PCDH15: variants seen among roughly 807,000 people sequenced by gnomAD.
The protein encoded by PCDH15 is protocadherin-15.
In PCDH15, 129 loss-of-function variants were observed where a neutral mutation model predicts 178.5. The ratio of observed to expected loss-of-function variants is 0.72; its 90% CI spans 0.63 to 0.84. The LOEUF is 0.84. Among genes scored for constraint, PCDH15 ranks in the 40% least tolerant of loss-of-function variants. The pLI, the probability that PCDH15 is intolerant of heterozygous loss-of-function variation, is 0.00. For missense variants in PCDH15, 2,230 were observed against 2,099.9 expected, an observed-to-expected ratio of 1.06 and a Z score of -1.21; for synonymous variants, 800 against 732.0, an observed-to-expected ratio of 1.09 and a Z score of -1.50.
intron 6 of PCDH15, among the ~76,000 whole-genome samples, chr10:54,330,438 G>T (rs1374865476): frequency 6.6e-6 from 1 of 151,878 alleles, no homozygotes; most frequent in African/African-American, 2.4e-5. Context: ...CATAGAAAAG[G>T]TATAGTAGAA....
chr10:54,716,650 G>T (rs191178591), intron 1 of PCDH15, among the ~76,000 whole-genome samples: 3 of 152,166 alleles, frequency 2.0e-5, no homozygotes, highest in Non-Finnish European at 1.5e-5. Context: ...TCAGCTTAAG[G>T]AGATTTTGGG....
intron 16 of PCDH15, among the ~76,000 whole-genome samples, chr10:54,083,947 C>G (rs979005549): frequency 6.6e-6 from 1 of 151,972 alleles, no homozygotes; most frequent in African/African-American, 2.4e-5. Flanking sequence ...AAAATTTGGC[C>G]AGGCGCGGTG....
At chr10:54,135,202 C>CAAAAA (rs11299964) in intron 14 of PCDH15, among the ~76,000 whole-genome samples, 5 of 118,118 alleles carry the variant, frequency 4.2e-5, no homozygotes, top group African/African-American at 1.4e-4. Context: ...GACTCTGTCT[C>CAAAAA]AAAAAAAAAA....
intron 1 of PCDH15, among the ~76,000 whole-genome samples, chr10:54,786,144 G>A (rs1950855257): frequency 6.6e-6 from 1 of 151,996 alleles, no homozygotes; most frequent in African/African-American, 2.4e-5. Flanking sequence ...TTATAATTCT[G>A]TGCTTTTAGA....
chr10:54,553,823 A>T (rs1361528743), intron 2 of PCDH15, among the ~76,000 whole-genome samples: 1 of 152,138 alleles, frequency 6.6e-6, no homozygotes, highest in Non-Finnish European at 1.5e-5. Flanking sequence ...AAAAAAAATC[A>T]TTAACTTGGA....
intron 8 of PCDH15, among the ~76,000 whole-genome samples, chr10:54,282,133 T>C (rs2058737949): frequency 6.6e-6 from 1 of 152,062 alleles, no homozygotes; most frequent in Non-Finnish European, 1.5e-5. Flanking sequence ...ATTATCTAAC[T>C]AGCTATATGT....
intron 9 of PCDH15, among the ~76,000 whole-genome samples, chr10:54,226,201 T>C (rs2053428581): frequency 6.6e-6 from 1 of 152,138 alleles, no homozygotes; most frequent in African/African-American, 2.4e-5. Flanking sequence ...CTCACACTCA[T>C]GGTGGAAGGC....
intron 2 of PCDH15, among the ~76,000 whole-genome samples, chr10:54,559,185 G>A (rs1206448989): frequency 6.6e-6 from 1 of 151,912 alleles, no homozygotes; most frequent in African/African-American, 2.4e-5. Flanking sequence ...TAACATATGA[G>A]AATTAAAATA....
chr10:54,298,266 G>C (rs755427322), intron 8 of PCDH15, among the ~76,000 whole-genome samples: 6 of 152,120 alleles, frequency 3.9e-5, no homozygotes, highest in Admixed American at 6.5e-5. Context: ...ATCAGCCACA[G>C]ATATCAAAAG....
chr10:54,703,072 C>T (rs2095327887), intron 1 of PCDH15, among the ~76,000 whole-genome samples: 1 of 152,102 alleles, frequency 6.6e-6, no homozygotes, highest in South Asian at 2.1e-4. Flanking sequence ...GTTGGTTCAA[C>T]ATATGCAAAG....
chr10:54,334,631 T>C (rs1198406192), intron 6 of PCDH15, among the ~76,000 whole-genome samples: 1 of 151,986 alleles, frequency 6.6e-6, no homozygotes, highest in Non-Finnish European at 1.5e-5. Flanking sequence ...AATATTCTCT[T>C]TTCAGCTGTG....
At chr10:54,038,666 A>G (rs1420259971) in intron 18 of PCDH15, among the ~76,000 whole-genome samples, 2 of 151,860 alleles carry the variant, frequency 1.3e-5, no homozygotes, top group East Asian at 3.9e-4. Context: ...TAGCAGCTGT[A>G]CATCCCTCTT....
chr10:54,141,943 T>A (rs2043449769), intron 14 of PCDH15, among the ~76,000 whole-genome samples: 1 of 152,160 alleles, frequency 6.6e-6, no homozygotes, highest in South Asian at 2.1e-4. Context: ...TGTATAGTAT[T>A]TAAGTGAAAT....
chr10:54,085,432 C>A (rs1000898544), intron 16 of PCDH15, among the ~76,000 whole-genome samples: 1 of 152,078 alleles, frequency 6.6e-6, no homozygotes, highest in Non-Finnish European at 1.5e-5. Context: ...TCCTCAACCT[C>A]CCTTAATAAA....
At chr10:54,993,612 G>A (rs572573977) in intron 2 of PCDH15, among the ~76,000 whole-genome samples, 1 of 151,978 alleles carries the variant, frequency 6.6e-6, no homozygotes, top group Non-Finnish European at 1.5e-5. Flanking sequence ...GCTGATGAAT[G>A]AACTAGAGGT....
chr10:54,393,548 C>G (rs1391898619), intron 3 of PCDH15, among the ~76,000 whole-genome samples: 2 of 152,142 alleles, frequency 1.3e-5, no homozygotes, highest in African/African-American at 4.8e-5. Flanking sequence ...GAAAATATAT[C>G]AACTCATTAT....
intron 2 of PCDH15, among the ~76,000 whole-genome samples, chr10:55,503,018 T>A (rs1471928592): frequency 6.6e-6 from 1 of 151,596 alleles, no homozygotes; most frequent in Non-Finnish European, 1.5e-5. Flanking sequence ...ACATATATTT[T>A]CCTAAATTAT....
intron 1 of PCDH15, among the ~76,000 whole-genome samples, chr10:55,213,085 G>T (rs1182181146): frequency 1.3e-5 from 2 of 151,990 alleles, no homozygotes; most frequent in Admixed American, 6.6e-5. Flanking sequence ...TAGCATAATG[G>T]TTCTTTTACT....
intron 1 of PCDH15, among the ~76,000 whole-genome samples, chr10:54,667,373 T>C (rs896125616): frequency 5.9e-5 from 9 of 152,024 alleles, no homozygotes; most frequent in African/African-American, 2.2e-4. Flanking sequence ...AAAAGGTACC[T>C]CCCACAAAGA....
Sources: gnomAD v4.1 joint callset for allele counts (sites outside exome capture counted in the v4.1 genomes callset) on GRCh38, gnomAD v4.1.1 for gene constraint, MANE v1.5 for transcripts, NCBI Gene and HGNC (gene_info 2026-07-23, HGNC 2026-07-21) for gene names.